The following SPINK5 variants were observed in gnomAD, a reference collection of about 807,000 sequenced individuals.
SPINK5 encodes the protein serine protease inhibitor Kazal-type 5.
Under a neutral mutation model 151.8 loss-of-function variants are expected in SPINK5, and 125 were observed. That is an observed-to-expected ratio of 0.82 (90% CI 0.71 to 0.96). The LOEUF (loss-of-function observed/expected upper bound fraction) is 0.96. Ranked by LOEUF, SPINK5 falls within the 40% of genes least tolerant of loss-of-function variation. The pLI is 0.00. For missense variants in SPINK5, 1,194 were observed against 1,291.9 expected (o/e 0.92, Z 1.16); for synonymous variants, 374 against 395.3 (o/e 0.95, Z 0.64).
intron 6 of SPINK5, 65 bp downstream of exon 6, chr5:148,088,670 T>C: frequency 6.6e-7 from 1 of 1,508,822 alleles, no homozygotes; most frequent in South Asian, 1.1e-5. Context: ...AAGTAGGTGC[T>C]CTCCTCTTCC....
intron 2 of SPINK5, among the ~76,000 whole-genome samples, chr5:148,067,065 A>G (rs1752604793): frequency 6.6e-6 from 1 of 152,196 alleles, no homozygotes; most frequent in Non-Finnish European, 1.5e-5. Flanking sequence ...AAATGTCATA[A>G]ACATGAACCT....
In SPINK5 at chr5:148,100,536, A is replaced by G; in HGVS notation, c.1175A>G (p.Asp392Gly). 1 of 1,613,344 alleles carries G rather than the reference A, an allele frequency of 6.2e-7. No individual in the cohort carries two copies. The highest frequency in any genetic ancestry group is 8.5e-7 in the Non-Finnish European group (1 of 1,179,480). Reference protein sequence around the residue: ...TRENDPIQGPDGKVHGNTCSM... With the variant: ...TRENDPIQGPGGKVHGNTCSM... ...GAGAACGATCCTATCCAGGGCCCAG[A>G]TGGGAAAGTGCATGGCAACACCTGC... The change falls in exon 13 of 33, where the codon GAT (aspartate) becomes GGT (glycine). Residue 392 changes from aspartate (D) to glycine (G), a missense_variant. Coordinates refer to ENST00000256084, the MANE Select transcript of SPINK5 (RefSeq NM_006846.4).
chr5:148,112,098 A>C (rs1753949943), intron 19 of SPINK5, among the ~76,000 whole-genome samples: 1 of 152,224 alleles, frequency 6.6e-6, no homozygotes, highest in Admixed American at 6.5e-5. Flanking sequence ...AGGTACTTGA[A>C]TCACCATCAA....
intron 22 of SPINK5, 90 bp downstream of exon 22, chr5:148,116,556 C>T (rs1391889025): frequency 1.6e-6 from 2 of 1,284,964 alleles, no homozygotes; most frequent in East Asian, 2.3e-5. Context: ...ATGGTAAAGG[C>T]AGTGCTAAGT....
At chr5:148,108,731 A>G in intron 17 of SPINK5, 22 bp from the exon 18 acceptor site, 3 of 1,608,280 alleles carry the variant, frequency 1.9e-6, no homozygotes, top group Non-Finnish European at 1.7e-6. Context: ...TATTCAGCCT[A>G]TATCTTCTTT....
intron 15 of SPINK5, 150 bp from the exon 16 acceptor site, chr5:148,104,802 A>T: frequency 1.7e-6 from 1 of 603,502 alleles, no homozygotes; most frequent in South Asian, 1.9e-5. Flanking sequence ...AGGCTGAGGC[A>T]GGAGAATTGC....
Position 148,094,408 on chromosome 5 carries a change from C to A in SPINK5, c.721C>A (p.Arg241=). The A allele has an allele frequency of 1.2e-6, 2 of 1,612,682 alleles. No homozygotes were observed. The highest frequency in any genetic ancestry group is 1.1e-5 in the South Asian group (1 of 91,064). The change falls in exon 9 of 33, where the codon CGG becomes AGG. Residue 241 remains arginine, a synonymous_variant. Transcript: ENST00000256084. The part of the protein sequence containing the change: ...QVRNGRLFCT[R]ESDPVRGPDG... Reference sequence around the variant, plus strand: ...GAGAAATGGAAGGCTTTTTTGTACACGGGAGAGTGATCCAGTCCGTGGCCC... The same window carrying A: ...GAGAAATGGAAGGCTTTTTTGTACAAGGGAGAGTGATCCAGTCCGTGGCCC...
At chr5:148,105,244 A>AT (rs1301412018) in intron 16 of SPINK5, among the ~76,000 whole-genome samples, 1 of 152,164 alleles carries the variant, frequency 6.6e-6, no homozygotes, top group African/African-American at 2.4e-5. Flanking sequence ...TTTGTAAGGA[A>AT]TTTTCCCCAT....
intron 18 of SPINK5, among the ~76,000 whole-genome samples, chr5:148,109,942 A>G (rs1450483069): frequency 2.0e-5 from 3 of 152,112 alleles, no homozygotes; most frequent in Non-Finnish European, 1.5e-5. Flanking sequence ...ATTGTTCTCC[A>G]TGCACCAATT....
At chr5:148,120,474 C>G in intron 26 of SPINK5, 83 bp downstream of exon 26, 1 of 1,476,412 alleles carries the variant, frequency 6.8e-7, no homozygotes, top group Non-Finnish European at 9.3e-7. Context: ...TTGTGAAATG[C>G]TGACTCTGTC....
chr5:148,134,968 A>G (rs889690793), intron 32 of SPINK5, among the ~76,000 whole-genome samples: 1 of 151,954 alleles, frequency 6.6e-6, no homozygotes, highest in Admixed American at 6.6e-5. Flanking sequence ...GTTAAGGGAA[A>G]TTGTGAAAAC....
chr5:148,075,112 A>G lies in SPINK5; in HGVS notation c.282+2892A>G, dbSNP rs116033193. On this transcript the variant is annotated intron_variant, in intron 4 of 32. Coordinates refer to ENST00000256084, the MANE Select transcript of SPINK5 (RefSeq NM_006846.4). ...TAATTGGTAAAGGATCCAGACTTCA[A>G]TAGTTAAACACTAGTGATGGTAATG... 8.0e-3 allele frequency among the ~76,000 whole-genome samples: 1,209 copies of G among 151,600 alleles called. 20 individuals are homozygous for G. The highest frequency in any genetic ancestry group is 0.028 in the African/African-American group (1,144 of 41,492).
At chr5:148,118,870 T>C (rs762135290) in intron 23 of SPINK5, 116 bp from the exon 24 acceptor site, 123 of 1,094,332 alleles carry the variant, frequency 1.1e-4, no homozygotes, top group Non-Finnish European at 1.5e-4. Flanking sequence ...TTTGGAATCA[T>C]TGACCAGCAC....
intron 15 of SPINK5, among the ~76,000 whole-genome samples, chr5:148,103,357 C>A (rs375760245): frequency 1.3e-5 from 2 of 152,282 alleles, no homozygotes; most frequent in South Asian, 2.1e-4. Flanking sequence ...ATGGGACTTA[C>A]AGATGAAGGA....
chr5:148,091,441 G>T (rs1753306890), intron 8 of SPINK5, among the ~76,000 whole-genome samples: 1 of 151,622 alleles, frequency 6.6e-6, no homozygotes, highest in African/African-American at 2.4e-5. Context: ...CCCAAAATGT[G>T]CAGTTTCCAC....
chr5:148,131,390 G>GT lies in SPINK5; in HGVS notation c.3095+2dup, dbSNP rs1754569122. On this transcript the variant is annotated splice_donor_variant, in intron 31 of 32. Transcript: ENST00000256084. LOFTEE classifies it high-confidence loss of function. Reference sequence around the variant, plus strand: ...CTTGCATGCTCTGTCATGAAAACCTGTAAGTATTCAAGTTGCCCCATCATA... The same window carrying GT: ...CTTGCATGCTCTGTCATGAAAACCTGTTAAGTATTCAAGTTGCCCCATCATA... 6.8e-6 allele frequency: 11 copies of GT among 1,613,806 alleles called. No individual in the cohort carries two copies. The highest frequency in any genetic ancestry group is 4.5e-5 in the East Asian group (2 of 44,866).
At chr5:148,134,122 G>A (rs1754642564) in intron 32 of SPINK5, 1 of 560,310 alleles carries the variant, frequency 1.8e-6, no homozygotes, top group Middle Eastern at 4.7e-4. Context: ...TTAATAGATT[G>A]TTTATGAGCA....
At chr5:148,126,939 G>A in intron 29 of SPINK5, 44 bp from the exon 30 acceptor site, 1 of 1,472,466 alleles carries the variant, frequency 6.8e-7, no homozygotes, top group Non-Finnish European at 9.3e-7. Flanking sequence ...GGAAGTTATA[G>A]GAACTGTTTC....
intron 30 of SPINK5, among the ~76,000 whole-genome samples, chr5:148,129,779 G>C (rs149016720): frequency 6.6e-6 from 1 of 152,220 alleles, no homozygotes; most frequent in Non-Finnish European, 1.5e-5. Flanking sequence ...ATGAGTATTA[G>C]CAGATATAAT....
Sources: allele counts gnomAD v4.1 joint callset (sites outside exome capture counted in the v4.1 genomes callset), GRCh38; gene constraint gnomAD v4.1.1; transcripts MANE v1.5; gene names NCBI Gene and HGNC (gene_info 2026-07-23, HGNC 2026-07-21).